Variants in RALB observed in about 807,000 individuals in gnomAD.
RALB encodes ras-related protein Ral-B.
RALB carries 16 observed loss-of-function variants against 21.3 expected under a neutral mutation model. The observed-to-expected ratio is 0.75, with a 90% CI of 0.51 to 1.14. RALB has a LOEUF of 1.14. RALB is among the 50% of genes most tolerant of loss of function. The pLI, the probability that RALB is intolerant of heterozygous loss-of-function variation, is 0.00. For synonymous variants in RALB, 93 were observed against 96.1 expected (o/e 0.97, Z 0.19); for missense variants, 161 against 256.2 (o/e 0.63, Z 2.54).
chr2:120,282,849 A>G (rs1298103306), intron 2 of RALB, among the ~76,000 whole-genome samples: 1 of 152,206 alleles, frequency 6.6e-6, no homozygotes, highest in Non-Finnish European at 1.5e-5. Flanking sequence ...CATGATGATG[A>G]AAATGTTCTG....
At position 120,247,747 on chromosome 2, in the gene RALB, C is replaced by T. The variant is rs180960761; in HGVS notation, c.19+7622C>T. Among the ~76,000 whole-genome samples the T allele has an allele frequency of 2.4e-4, 36 of 152,338 alleles. 3 individuals are homozygous for T. The Middle Eastern group carries it at 0.014, about 58-fold the overall frequency. On this transcript the variant is annotated intron_variant, in intron 1 of 3. Transcript: ENST00000447591. ...GGAAGGCTCAGGGCTACTGCTTAGG[C>T]GCTCCACGAGGGTTCCCGCGACGCA... is the stretch of plus-strand genomic sequence containing the variant.
intron 1 of RALB, among the ~76,000 whole-genome samples, chr2:120,274,459 C>A (rs1247758558): frequency 6.6e-6 from 1 of 152,112 alleles, no homozygotes; most frequent in Non-Finnish European, 1.5e-5. Flanking sequence ...GCAGCCAAGG[C>A]CTTTCACAAA....
chr2:120,293,487 C>T lies in RALB; in HGVS notation c.*227C>T. ...CAGGAGGTTGTGGAATTTCTTTCTT[C>T]TCCCCTTCTTCCCTCCCAAAAGCTT... is the stretch of plus-strand genomic sequence containing the variant. On this transcript the variant is annotated 3_prime_UTR_variant, in exon 5 of 5. Transcript: ENST00000272519. The T allele has an allele frequency of 3.2e-6, 1 of 315,790 alleles. No homozygotes were observed. The highest frequency in any genetic ancestry group is 5.7e-6 in the Non-Finnish European group (1 of 176,700). 19.6% of individuals were successfully genotyped at this position (315,790 alleles called of 1,614,324 possible). A position where few individuals can be genotyped will look rare whatever the true frequency, so the allele number is the denominator to read the frequency against.
chr2:120,286,183 G>A, intron 3 of RALB, 101 bp downstream of exon 3: 1 of 914,918 alleles, frequency 1.1e-6, no homozygotes, highest in Non-Finnish European at 1.7e-6. Flanking sequence ...TACTAGGAGA[G>A]GGCTGAGCTT....
Position 120,293,317 on chromosome 2 carries a change from A to G in RALB, c.*57A>G. On this transcript the variant is annotated 3_prime_UTR_variant, in exon 5 of 5. Coordinates refer to ENST00000272519, the MANE Select transcript of RALB (RefSeq NM_002881.3). ...CTAAGGACACAGGGCTGGGTTGGTA[A>G]AGAGAAGGCTATGGTTGACTTCTTG... is the stretch of plus-strand genomic sequence containing the variant. 6.6e-7 allele frequency: 1 copy of G among 1,514,676 alleles called. No individual in the cohort carries two copies. Among genetic ancestry groups the G allele is most frequent in the Non-Finnish European group, 8.8e-7 (1 of 1,132,338 alleles). 93.8% of individuals were successfully genotyped at this position (1,514,676 alleles called of 1,614,324 possible).
At chr2:120,245,985 C>T (rs1688963616) in intron 1 of RALB, among the ~76,000 whole-genome samples, 5 of 152,206 alleles carry the variant, frequency 3.3e-5, no homozygotes, top group Admixed American at 3.3e-4. Context: ...GGTCTTACCT[C>T]CTGGTGGAGC....
intron 1 of RALB, chr2:120,253,740 T>C: frequency 1.0e-6 from 1 of 984,342 alleles, no homozygotes; most frequent in South Asian, 4.7e-5. Flanking sequence ...AGGTGAGTCT[T>C]CGGGAGAGAA....
chr2:120,264,005 C>T (rs775118354), intron 1 of RALB, among the ~76,000 whole-genome samples: 7 of 151,362 alleles, frequency 4.6e-5, no homozygotes, highest in African/African-American at 9.7e-5. Context: ...CACGCCACCA[C>T]GCCCGGCTAA....
At chr2:120,241,030 G>A (rs1574838394) in intron 1 of RALB, among the ~76,000 whole-genome samples, 2 of 152,204 alleles carry the variant, frequency 1.3e-5, no homozygotes, top group African/African-American at 2.4e-5. Context: ...CCACTGTCAC[G>A]GGGTGTGCGT....
chr2:120,270,884 ATAT>A (rs111394726), intron 1 of RALB, among the ~76,000 whole-genome samples: 8,982 of 152,214 alleles, frequency 0.059, 594 homozygotes, highest in African/African-American at 0.16. Context: ...CCAGACTCAA[ATAT>A]TATGATTATG....
intron 1 of RALB, among the ~76,000 whole-genome samples, chr2:120,256,675 C>T (rs988442281): frequency 1.5e-4 from 23 of 152,286 alleles, no homozygotes; most frequent in Admixed American, 1.5e-3. Flanking sequence ...AAACCCCTTT[C>T]CTTTATAAAT....
chr2:120,251,883 G>T (rs1315871110), upstream of RALB, among the ~76,000 whole-genome samples: 1 of 152,188 alleles, frequency 6.6e-6, no homozygotes, highest in African/African-American at 2.4e-5. Flanking sequence ...TGGAGGGACT[G>T]GATCTGGTAG....
intron 1 of RALB, among the ~76,000 whole-genome samples, chr2:120,258,265 T>A (rs1282099808): frequency 6.6e-6 from 1 of 152,236 alleles, no homozygotes; most frequent in African/African-American, 2.4e-5. Flanking sequence ...CATCTTGTAC[T>A]GGGCTCTGCC....
chr2:120,247,479 T>C (rs1688989815), intron 1 of RALB, among the ~76,000 whole-genome samples: 2 of 152,160 alleles, frequency 1.3e-5, no homozygotes, highest in Non-Finnish European at 2.9e-5. Flanking sequence ...CTGGCTGGGC[T>C]GTAGGGACCA....
intron 1 of RALB, 129 bp from the exon 2 acceptor site, chr2:120,278,489 G>A: frequency 1.1e-6 from 1 of 916,876 alleles, no homozygotes; most frequent in Non-Finnish European, 1.5e-6. Context: ...TCTGCCCTGA[G>A]CCTGAAAGGA....
intron 1 of RALB, among the ~76,000 whole-genome samples, chr2:120,268,288 C>A (rs1004998242): frequency 2.7e-5 from 4 of 149,688 alleles, no homozygotes; most frequent in African/African-American, 9.8e-5. Flanking sequence ...GCTCCTGAGT[C>A]CCAGCCCTAT....
chr2:120,281,687 G>GT (rs1273400999), intron 2 of RALB, among the ~76,000 whole-genome samples: 1 of 151,982 alleles, frequency 6.6e-6, no homozygotes, highest in East Asian at 1.9e-4. Context: ...TCCCCAAAAC[G>GT]TTTTTGCATA....
At chr2:120,278,092 C>T (rs1689887847) in intron 1 of RALB, among the ~76,000 whole-genome samples, 1 of 146,604 alleles carries the variant, frequency 6.8e-6, no homozygotes, top group Non-Finnish European at 1.5e-5. Flanking sequence ...TGAATGTGGG[C>T]ATGTGTGAGT....
At chr2:120,283,731 A>G (rs1044444376) in intron 2 of RALB, among the ~76,000 whole-genome samples, 3 of 152,238 alleles carry the variant, frequency 2.0e-5, no homozygotes, top group African/African-American at 7.2e-5. Flanking sequence ...TTAGAAAGAA[A>G]GGGTCCACGT....
Sources: gnomAD v4.1 joint callset for allele counts (sites outside exome capture counted in the v4.1 genomes callset) on GRCh38, gnomAD v4.1.1 for gene constraint, MANE v1.5 for transcripts, NCBI Gene and HGNC (gene_info 2026-07-23, HGNC 2026-07-21) for gene names.